Variants in XKR6 observed in about 807,000 individuals in gnomAD.
XKR6 encodes the protein XK-related protein 6.
In XKR6, 22 loss-of-function variants were observed where a neutral mutation model predicts 56.7. That is an observed-to-expected ratio of 0.39 (90% CI 0.28 to 0.55). The LOEUF (loss-of-function observed/expected upper bound fraction) is 0.55. XKR6 is among the 20% of genes least tolerant of loss of function. The probability of loss-of-function intolerance (pLI) is 0.66; values close to 1 mark genes in which losing one functional copy is unlikely to be tolerated. For missense variants in XKR6, 852 were observed against 889.0 expected (o/e 0.96, Z 0.53); for synonymous variants, 524 against 387.8 (o/e 1.35, Z -4.13).
intron 2 of XKR6, among the ~76,000 whole-genome samples, chr8:10,913,523 G>C (rs1287420667): frequency 1.3e-5 from 2 of 152,174 alleles, no homozygotes; most frequent in Non-Finnish European, 2.9e-5. Flanking sequence ...CCCAGCCATC[G>C]CTGTTGGGTG....
At chr8:11,022,822 T>C (rs909079016) in intron 1 of XKR6, among the ~76,000 whole-genome samples, 1 of 152,224 alleles carries the variant, frequency 6.6e-6, no homozygotes, top group Non-Finnish European at 1.5e-5. Flanking sequence ...TATTTTCCAC[T>C]TTTTTATTTG....
At chr8:10,980,638 T>A (rs1797710191) in intron 1 of XKR6, among the ~76,000 whole-genome samples, 2 of 152,184 alleles carry the variant, frequency 1.3e-5, no homozygotes, top group South Asian at 4.1e-4. Context: ...GTTACACGGA[T>A]CATGATTATG....
At chr8:10,901,537 A>G (rs1240988046) in intron 2 of XKR6, among the ~76,000 whole-genome samples, 1 of 152,168 alleles carries the variant, frequency 6.6e-6, no homozygotes, top group African/African-American at 2.4e-5. Flanking sequence ...AAAAAATTCC[A>G]TTAAACATCC....
chr8:11,123,599 T>C (rs1032509689), intron 1 of XKR6: 1 of 304,142 alleles, frequency 3.3e-6, no homozygotes, highest in Non-Finnish European at 6.5e-6. Flanking sequence ...TACACGAGGA[T>C]TAAAAATTCA....
At chr8:10,907,006 C>G (rs532948371) in intron 2 of XKR6, among the ~76,000 whole-genome samples, 1 of 151,874 alleles carries the variant, frequency 6.6e-6, no homozygotes, top group Non-Finnish European at 1.5e-5. Context: ...AGGGATCACA[C>G]CACTGCACTC....
At chr8:11,127,354 C>T (rs188856590) in intron 1 of XKR6, among the ~76,000 whole-genome samples, 1 of 152,160 alleles carries the variant, frequency 6.6e-6, no homozygotes, top group African/African-American at 2.4e-5. Flanking sequence ...ATAAGTTACC[C>T]ATCTTTTCTA....
intron 1 of XKR6, among the ~76,000 whole-genome samples, chr8:10,989,194 A>G (rs1430849100): frequency 1.3e-5 from 2 of 152,254 alleles, no homozygotes; most frequent in Non-Finnish European, 1.5e-5. Flanking sequence ...AAGTCTAGTC[A>G]GAGCCCAGTG....
At chr8:11,024,350 C>G (rs962463106) in intron 1 of XKR6, among the ~76,000 whole-genome samples, 3 of 151,938 alleles carry the variant, frequency 2.0e-5, no homozygotes, top group Non-Finnish European at 4.4e-5. Context: ...GTTGGGTGAC[C>G]TGGGACCAAC....
chr8:11,031,766 G>A (rs777156427), intron 1 of XKR6, among the ~76,000 whole-genome samples: 6 of 152,214 alleles, frequency 3.9e-5, no homozygotes, highest in Admixed American at 1.3e-4. Flanking sequence ...TAAAATAAAC[G>A]TGACAGTGAA....
intron 1 of XKR6, chr8:11,108,371 T>C (rs369468588): frequency 2.2e-6 from 1 of 456,002 alleles, no homozygotes; most frequent in Non-Finnish European, 4.4e-6. Flanking sequence ...GTACACATGT[T>C]ACGCTGTAAA....
At chr8:11,009,069 G>C (rs947692164) in intron 1 of XKR6, among the ~76,000 whole-genome samples, 9 of 143,188 alleles carry the variant, frequency 6.3e-5, no homozygotes, top group Admixed American at 1.4e-4. Flanking sequence ...ACCTCTCCTG[G>C]GTAGTCAGCA....
At chr8:11,198,598 C>G (rs763284438) in intron 1 of XKR6, among the ~76,000 whole-genome samples, 1 of 151,938 alleles carries the variant, frequency 6.6e-6, no homozygotes, top group African/African-American at 2.4e-5. Context: ...GCCCTAAAAT[C>G]TGGACTTCCA....
At chr8:10,952,419 C>T (rs1801754172) in intron 1 of XKR6, among the ~76,000 whole-genome samples, 1 of 152,222 alleles carries the variant, frequency 6.6e-6, no homozygotes, top group Non-Finnish European at 1.5e-5. Flanking sequence ...CTGTGATGTG[C>T]TGAACTGTTA....
intron 1 of XKR6, among the ~76,000 whole-genome samples, chr8:11,144,223 AGTGTGTGTGTGTGT>A (rs35351104): frequency 1.5e-5 from 2 of 136,422 alleles, no homozygotes; most frequent in African/African-American, 5.9e-5. Context: ...TTAAATAAAA[AGTGTGTGTGTGTGT>A]GTGTGTGTGT....
chr8:11,071,589 G>A (rs1336418807), intron 1 of XKR6, among the ~76,000 whole-genome samples: 2 of 137,066 alleles, frequency 1.5e-5, no homozygotes, highest in Non-Finnish European at 3.1e-5. Context: ...CCGAGTCCAT[G>A]AGCCCCGAGT....
At chr8:10,914,100 C>T (rs1048338843) in intron 2 of XKR6, among the ~76,000 whole-genome samples, 3 of 152,174 alleles carry the variant, frequency 2.0e-5, no homozygotes, top group Non-Finnish European at 2.9e-5. Context: ...ACACCTCAGA[C>T]TGGTTCAGGA....
chr8:11,037,655 CG>C (rs1799179342), intron 1 of XKR6, among the ~76,000 whole-genome samples: 1 of 152,156 alleles, frequency 6.6e-6, no homozygotes. Context: ...GTCAAGAGAT[CG>C]AGACCATCCT....
chr8:10,909,248 G>C (rs1176642542), intron 2 of XKR6, among the ~76,000 whole-genome samples: 1 of 151,966 alleles, frequency 6.6e-6, no homozygotes. Context: ...ACACAGCAAA[G>C]AGGCTCTCAC....
At chr8:11,069,516 C>A (rs1800064566) in intron 1 of XKR6, among the ~76,000 whole-genome samples, 1 of 152,202 alleles carries the variant, frequency 6.6e-6, no homozygotes. Flanking sequence ...TCCTCCACTT[C>A]CTCTGATGAC....
Sources: gnomAD v4.1 joint callset for allele counts (sites outside exome capture counted in the v4.1 genomes callset) on GRCh38, gnomAD v4.1.1 for gene constraint, MANE v1.5 for transcripts, NCBI Gene and HGNC (gene_info 2026-07-23, HGNC 2026-07-21) for gene names.